The following VCL variants were observed in gnomAD, a reference collection of about 807,000 sequenced individuals.
VCL encodes the protein epididymis luminal protein 114.
In VCL, 47 loss-of-function variants were observed where a neutral mutation model predicts 125.7. The observed-to-expected ratio is 0.37, with a 90% CI of 0.30 to 0.48. The LOEUF (loss-of-function observed/expected upper bound fraction) is 0.48, where lower values mean the gene tolerates loss of function less well. VCL is among the 20% of genes least tolerant of loss of function. VCL has a pLI of 0.99. For synonymous variants in VCL, 458 were observed against 514.6 expected (o/e 0.89, Z 1.49); for missense variants, 1,069 against 1,455.5 (o/e 0.73, Z 4.32).
At chr10:74,100,181 A>T (rs937470807) in intron 13 of VCL, among the ~76,000 whole-genome samples, 2 of 152,242 alleles carry the variant, frequency 1.3e-5, no homozygotes, top group African/African-American at 4.8e-5. Context: ...TGAAGAAGAT[A>T]AGCTTTTGCA....
In VCL at chr10:74,087,339, CT is replaced by C. The variant is rs553757805; in HGVS notation, c.1023-1841del. Among the ~76,000 whole-genome samples, 173 of 120,364 alleles carry C rather than the reference CT, an allele frequency of 1.4e-3. 2 individuals are homozygous for C. In the East Asian group the frequency reaches 0.017, roughly 12 times the overall value. The allele number at this position is 120,364 out of a possible 152,430, so 79.0% of individuals were successfully genotyped here. On this transcript the variant is annotated intron_variant, in intron 8 of 21. Coordinates refer to ENST00000211998, the MANE Select transcript of VCL (RefSeq NM_014000.3). ...TATTTATTTTTTTTTTTAGGTTTTT[CT>C]TTTTTTTTTTTTTTTCTTTTTTTGA...
In VCL at chr10:74,070,677, A is replaced by G; in HGVS notation, c.247A>G (p.Asn83Asp). 2 of 1,614,016 alleles carry G rather than the reference A, an allele frequency of 1.2e-6. No homozygotes were observed. The highest frequency in any genetic ancestry group is 1.7e-6 in the Non-Finnish European group (2 of 1,179,998). Residue 83 changes from asparagine (N) to aspartate (D), a missense_variant, in exon 3 of 22, where the codon AAT (asparagine) becomes GAT (aspartate). Coordinates refer to ENST00000211998, the MANE Select transcript of VCL (RefSeq NM_014000.3). ...DMPPAFIKVE[N>D]ACTKLVQAAQ... ...CTGTGTTCTTCCCTATAGGGTTGAG[A>G]ATGCTTGCACCAAGCTTGTCCAGGC... is the stretch of plus-strand genomic sequence containing the variant.
intron 13 of VCL, among the ~76,000 whole-genome samples, chr10:74,098,462 T>G (rs1840004427): frequency 6.6e-6 from 1 of 152,222 alleles, no homozygotes; most frequent in Admixed American, 6.5e-5. Flanking sequence ...ATTCTGTCAT[T>G]GCCTTATTCC....
At chr10:74,051,688 A>G (rs1263867571) in intron 2 of VCL, among the ~76,000 whole-genome samples, 3 of 152,312 alleles carry the variant, frequency 2.0e-5, no homozygotes, top group Non-Finnish European at 4.4e-5. Flanking sequence ...TTCTTCTAAC[A>G]TAATAGTTAT....
Position 74,101,235 on chromosome 10 carries a change from C to T in VCL, c.2022+138C>T, listed in dbSNP as rs560925360. ...GCCAGCACGGTAGCACCTATAATTC[C>T]GGCACTTTGGGAGGGTGAGGCGGGA... is the stretch of plus-strand genomic sequence containing the variant. On this transcript the variant is annotated intron_variant, in intron 14 of 21. Coordinates refer to ENST00000211998, the MANE Select transcript of VCL (RefSeq NM_014000.3). The T allele has an allele frequency of 4.0e-5, 52 of 1,288,932 alleles. No homozygotes were observed. The East Asian group carries it at 4.1e-4, about 10-fold the overall frequency. 79.8% of individuals were successfully genotyped at this position (1,288,932 alleles called of 1,614,324 possible).
chr10:74,021,299 C>A (rs1840661752), intron 1 of VCL, among the ~76,000 whole-genome samples: 1 of 151,886 alleles, frequency 6.6e-6, no homozygotes. Flanking sequence ...CTTTCTCTGA[C>A]CCCCCTACCC....
intron 2 of VCL, among the ~76,000 whole-genome samples, chr10:74,048,198 C>G (rs1007337029): frequency 3.3e-5 from 5 of 152,222 alleles, no homozygotes; most frequent in Admixed American, 6.5e-5. Context: ...GCTGGGTGCG[C>G]TAGCTCACGC....
intron 2 of VCL, among the ~76,000 whole-genome samples, chr10:74,047,221 CAGG>C (rs1003703040): frequency 6.6e-6 from 1 of 152,110 alleles, no homozygotes; most frequent in African/African-American, 2.4e-5. Context: ...TGCTTAAGCC[CAGG>C]AGGTCGAGGC....
intron 1 of VCL, among the ~76,000 whole-genome samples, chr10:74,003,272 A>G (rs529726758): frequency 6.6e-6 from 1 of 152,182 alleles, no homozygotes; most frequent in South Asian, 2.1e-4. Context: ...AGTGAGTCCA[A>G]TTCAATAATG....
intron 2 of VCL, among the ~76,000 whole-genome samples, chr10:74,068,272 T>G (rs529257319): frequency 6.6e-6 from 1 of 152,358 alleles, no homozygotes; most frequent in South Asian, 2.1e-4. Flanking sequence ...TTATGTAGCT[T>G]TATAAAAGTA....
intron 10 of VCL, among the ~76,000 whole-genome samples, chr10:74,091,870 C>T (rs529427647): frequency 5.4e-5 from 8 of 149,396 alleles, no homozygotes; most frequent in South Asian, 2.1e-4. Context: ...TGTTCTGGCG[C>T]GGATGGGCTA....
At chr10:74,028,905 G>A (rs1370239283) in intron 1 of VCL, among the ~76,000 whole-genome samples, 11 of 152,096 alleles carry the variant, frequency 7.2e-5, no homozygotes, top group Non-Finnish European at 1.5e-5. Context: ...TGGGCACAGT[G>A]GCTCATGCCT....
At chr10:74,005,601 A>G (rs1162741989) in intron 1 of VCL, among the ~76,000 whole-genome samples, 1 of 152,136 alleles carries the variant, frequency 6.6e-6, no homozygotes, top group Non-Finnish European at 1.5e-5. Flanking sequence ...ACATTTACTC[A>G]TGTGACTGAG....
chr10:74,083,062 T>C (rs745659126), intron 7 of VCL, among the ~76,000 whole-genome samples: 15 of 152,210 alleles, frequency 9.9e-5, no homozygotes, highest in South Asian at 8.3e-4. Context: ...CTAAAGTAGG[T>C]TGGAGGTGCT....
At chr10:74,085,408 A>G (rs1839753797) in intron 8 of VCL, among the ~76,000 whole-genome samples, 1 of 152,184 alleles carries the variant, frequency 6.6e-6, no homozygotes, top group African/African-American at 2.4e-5. Context: ...TCATAAAAAA[A>G]TCATTTAACT....
chr10:74,089,262 C>A lies in VCL; in HGVS notation c.1089C>A (p.Leu363=). ...AGGTATCTCAGGGTCTGGATGTGCT[C>A]ACAGCAAAAGTGGAAAATGCAGCTC... is the stretch of plus-strand genomic sequence containing the variant. ...AQQVSQGLDV[L]TAKVENAARK... The change falls in exon 9 of 22, where the codon CTC becomes CTA. Residue 363 remains leucine (L), a synonymous_variant. Transcript: ENST00000211998. 6.2e-7 allele frequency: 1 copy of A among 1,614,080 alleles called. No individual in the cohort carries two copies. Among genetic ancestry groups the A allele is most frequent in the South Asian group, 1.1e-5 (1 of 91,058 alleles).
rs1358639835 is a variant in VCL, at chr10:74,087,940, C to T, written c.1023-1256C>T. On this transcript the variant is annotated intron_variant, in intron 8 of 21. Coordinates refer to ENST00000211998, the MANE Select transcript of VCL (RefSeq NM_014000.3). ...GTAGGAGAATTTTGGCTCATTGCAA[C>T]CACTGCCTCCCAAGATCGCGCCACT... is the stretch of plus-strand genomic sequence containing the variant. 2.0e-5 allele frequency among the ~76,000 whole-genome samples: 3 copies of T among 152,250 alleles called. No individual in the cohort carries two copies. The South Asian group carries it at 6.2e-4, about 32-fold the overall frequency.
At chr10:74,098,152 T>G (rs981598150) in intron 13 of VCL, among the ~76,000 whole-genome samples, 4 of 152,200 alleles carry the variant, frequency 2.6e-5, no homozygotes, top group Non-Finnish European at 2.9e-5. Flanking sequence ...TGAATTGTAT[T>G]CCTAGTGTGT....
chr10:74,052,857 A>G (rs1266720225), intron 2 of VCL, among the ~76,000 whole-genome samples: 2 of 149,356 alleles, frequency 1.3e-5, no homozygotes, highest in Non-Finnish European at 3.0e-5. Context: ...GAGATAGTCT[A>G]TGGTTTACTA....
Sources: allele counts gnomAD v4.1 joint callset (sites outside exome capture counted in the v4.1 genomes callset), GRCh38; gene constraint gnomAD v4.1.1; transcripts MANE v1.5; gene names NCBI Gene and HGNC (gene_info 2026-07-23, HGNC 2026-07-21).